MCC: variants seen among roughly 807,000 people sequenced by gnomAD.
The protein encoded by MCC is colorectal mutant cancer protein.
In MCC, 90 loss-of-function variants were observed where a neutral mutation model predicts 116.2. That is an observed-to-expected ratio of 0.77 (90% CI 0.65 to 0.92). The LOEUF (loss-of-function observed/expected upper bound fraction) is 0.92. Among genes scored for constraint, MCC ranks in the 40% least tolerant of loss-of-function variants. The probability of loss-of-function intolerance (pLI) is 0.00; values close to 1 mark genes in which losing one functional copy is unlikely to be tolerated. For synonymous variants in MCC, 578 were observed against 510.5 expected (o/e 1.13, Z -1.78); for missense variants, 1,516 against 1,312.2 (o/e 1.16, Z -2.40).
chr5:113,275,965 G>GTTTTTTTTTTT (rs1194323460), intron 3 of MCC, among the ~76,000 whole-genome samples: 1 of 121,032 alleles, frequency 8.3e-6, no homozygotes, highest in Non-Finnish European at 1.7e-5. Context: ...GATTTCACTT[G>GTTTTTTTTTTT]TTTTGTTTTT....
In MCC at chr5:113,434,231, G is replaced by A. The variant is rs374401521; in HGVS notation, c.171-49019C>T. On this transcript the variant is annotated intron_variant, in intron 1 of 18. Transcript: ENST00000408903. This position sits in a 1 kb window ranked among gnomAD's most constrained non-coding sequence, Gnocchi z 4.2. ...CGCAGACCATGATGTAGAGGATCAC[G>A]CCTAGGCTCCAGATGTCGTACACCT... The A allele has an allele frequency of 1.4e-5, 23 of 1,613,936 alleles. No homozygotes were observed. Among genetic ancestry groups the A allele is most frequent in the South Asian group, 4.4e-5 (4 of 91,084 alleles).
chr5:113,328,395 C>G (rs1199801724), intron 3 of MCC, among the ~76,000 whole-genome samples: 1 of 152,166 alleles, frequency 6.6e-6, no homozygotes, highest in East Asian at 1.9e-4. Flanking sequence ...CTAAAAGATA[C>G]AAGTGGGACA....
intron 1 of MCC, chr5:113,436,984 A>G (rs889121713): frequency 1.3e-5 from 2 of 151,556 alleles, no homozygotes; most frequent in African/African-American, 4.9e-5. Flanking sequence ...TAAAATGTAT[A>G]AAACCAAGTT....
chr5:113,116,232 G>C (rs1048745713), intron 6 of MCC, among the ~76,000 whole-genome samples: 1 of 152,218 alleles, frequency 6.6e-6, no homozygotes, highest in Non-Finnish European at 1.5e-5. Flanking sequence ...ACGCCACCAG[G>C]AGGAGGGGGA....
At chr5:113,472,195 A>G (rs1037904399) in intron 1 of MCC, among the ~76,000 whole-genome samples, 2 of 152,232 alleles carry the variant, frequency 1.3e-5, no homozygotes, top group African/African-American at 4.8e-5. Flanking sequence ...GGCACTCCCC[A>G]GTGAGATGAA....
chr5:113,361,464 G>C (rs746103775), intron 2 of MCC, among the ~76,000 whole-genome samples: 1 of 152,126 alleles, frequency 6.6e-6, no homozygotes, highest in Non-Finnish European at 1.5e-5. Context: ...AGTACTGCTT[G>C]AGTTGCATTT....
intron 3 of MCC, among the ~76,000 whole-genome samples, chr5:113,199,521 C>T (rs1762582271): frequency 6.6e-6 from 1 of 152,158 alleles, no homozygotes; most frequent in Admixed American, 6.5e-5. Context: ...GGAAAGTTTG[C>T]TGCTTCCAGA....
At chr5:113,129,983 G>A (rs945046168) in intron 5 of MCC, among the ~76,000 whole-genome samples, 1 of 152,134 alleles carries the variant, frequency 6.6e-6, no homozygotes, top group Non-Finnish European at 1.5e-5. Flanking sequence ...TCCCATTACT[G>A]GGTATATACC....
In MCC at chr5:113,373,914, T is replaced by G. The variant is rs952204170; in HGVS notation, c.415+11054A>C. Among the ~76,000 whole-genome samples, 52 of 152,208 alleles carry G rather than the reference T, an allele frequency of 3.4e-4. 1 individual carries two copies. The highest frequency in any genetic ancestry group is 5.1e-4 in the Non-Finnish European group (35 of 67,988). ...CTGAGGTTTTTTGTTTTTGTTTTTT[T>G]TTTTTGAGACAGGGTCTCACTCTGT... On this transcript the variant is annotated intron_variant, in intron 2 of 18. Transcript: ENST00000408903.
chr5:113,231,039 A>G (rs1302618533), intron 3 of MCC, among the ~76,000 whole-genome samples: 3 of 152,138 alleles, frequency 2.0e-5, no homozygotes, highest in South Asian at 4.1e-4. Context: ...AATTTTAAAG[A>G]CTTCATTCTG....
chr5:113,320,076 T>G (rs1241563309), intron 3 of MCC, among the ~76,000 whole-genome samples: 2 of 152,268 alleles, frequency 1.3e-5, no homozygotes, highest in African/African-American at 4.8e-5. Context: ...CAAAAGATAT[T>G]TGTGCATTCT....
At chr5:113,198,623 G>C (rs1463947677) in intron 3 of MCC, among the ~76,000 whole-genome samples, 1 of 150,942 alleles carries the variant, frequency 6.6e-6, no homozygotes, top group Non-Finnish European at 1.5e-5. Flanking sequence ...AGGATCTCTT[G>C]AGCCTGGGAG....
At chr5:113,435,317 G>A (rs1223912763) in intron 1 of MCC, 1 of 164,054 alleles carries the variant, frequency 6.1e-6, no homozygotes, top group Non-Finnish European at 1.3e-5. Context: ...TGGGAGCAGA[G>A]TGTAGGGAAC....
chr5:113,037,701 T>C (rs1194269893), intron 17 of MCC, among the ~76,000 whole-genome samples: 1 of 151,888 alleles, frequency 6.6e-6, no homozygotes, highest in Admixed American at 6.6e-5. Flanking sequence ...CTCAAAAAAG[T>C]ACCAGAGAAG....
intron 17 of MCC, among the ~76,000 whole-genome samples, chr5:113,037,962 A>G (rs1475266127): frequency 6.6e-6 from 1 of 152,192 alleles, no homozygotes; most frequent in Non-Finnish European, 1.5e-5. Flanking sequence ...GCTTATGCAG[A>G]GCACCCTAAT....
chr5:113,358,481 C>T (rs1768467176), intron 2 of MCC, among the ~76,000 whole-genome samples: 1 of 152,160 alleles, frequency 6.6e-6, no homozygotes, highest in South Asian at 2.1e-4. Flanking sequence ...ACAACAAAGG[C>T]AGATGAAAAT....
At chr5:113,424,196 CT>C (rs1770424092) in intron 1 of MCC, among the ~76,000 whole-genome samples, 1 of 145,812 alleles carries the variant, frequency 6.9e-6, no homozygotes, top group Admixed American at 6.9e-5. Context: ...TTCTAATCAG[CT>C]TTGTTATGCC....
At chr5:113,360,268 C>A (rs1345607780) in intron 2 of MCC, among the ~76,000 whole-genome samples, 10 of 152,118 alleles carry the variant, frequency 6.6e-5, no homozygotes, top group Admixed American at 6.5e-4. Context: ...GAAAAGTTGA[C>A]ATTTTTCACT....
chr5:113,164,940 T>C (rs1160555812), intron 3 of MCC, among the ~76,000 whole-genome samples: 8 of 152,170 alleles, frequency 5.3e-5, no homozygotes, highest in Non-Finnish European at 2.9e-5. Context: ...AGCTCCCCTG[T>C]ATAGGTAAAG....
Sources: gnomAD v4.1 joint callset for allele counts (sites outside exome capture counted in the v4.1 genomes callset) on GRCh38, gnomAD v4.1.1 for gene constraint, Gnocchi (gnomAD v3.1) non-coding constraint, MANE v1.5 for transcripts, NCBI Gene and HGNC (gene_info 2026-07-23, HGNC 2026-07-21) for gene names.